The following MORF4L1 variants were observed in gnomAD, a reference collection of about 807,000 sequenced individuals.
MORF4L1 encodes the protein mortality factor 4 like 1, also known as mortality factor 4-like protein 1.
MORF4L1 carries 4 observed loss-of-function variants against 52.9 expected under a neutral mutation model. The ratio of observed to expected loss-of-function variants is 0.08; its 90% CI spans 0.04 to 0.17. The LOEUF (loss-of-function observed/expected upper bound fraction) is 0.17, where lower values mean the gene tolerates loss of function less well. Ranked by LOEUF, MORF4L1 falls within the 10% of genes least tolerant of loss-of-function variation. MORF4L1 has a pLI of 1.00. For missense variants in MORF4L1, 214 were observed against 390.4 expected, an observed-to-expected ratio of 0.55 and a Z score of 3.81; for synonymous variants, 123 against 134.8, an observed-to-expected ratio of 0.91 and a Z score of 0.61.
chr15:78,891,649 G>GATT (rs1262240985), intron 7 of MORF4L1, 77 bp downstream of exon 7: 1 of 1,181,940 alleles, frequency 8.5e-7, no homozygotes, highest in African/African-American at 1.6e-5. Context: ...TGGGAGCTTT[G>GATT]ATTATCTACA....
chr15:78,894,324 C>A, intron 10 of MORF4L1, 94 bp downstream of exon 10: 1 of 991,406 alleles, frequency 1.0e-6, no homozygotes, highest in African/African-American at 1.7e-5. Context: ...CAAAACATGA[C>A]TCCCATTTTA....
chr15:78,879,034 C>CT (rs11446420), intron 2 of MORF4L1, among the ~76,000 whole-genome samples: 6,541 of 149,832 alleles, frequency 0.044, 462 homozygotes, highest in African/African-American at 0.15. Flanking sequence ...ATTTTCACTA[C>CT]TTTTTTTTTT....
chr15:78,879,315 G>A (rs901156008), intron 2 of MORF4L1, among the ~76,000 whole-genome samples: 1 of 150,352 alleles, frequency 6.7e-6, no homozygotes. Context: ...TCCCCCTCCC[G>A]GGTTGAAGCA....
chr15:78,893,433 T>A (rs1177688228), intron 8 of MORF4L1, 106 bp from the exon 9 acceptor site: 2 of 745,972 alleles, frequency 2.7e-6, no homozygotes, highest in African/African-American at 3.5e-5. Context: ...CTTTCCTAAT[T>A]TGAAATACTG....
chr15:78,892,637 A>G (rs78962767), intron 8 of MORF4L1: 175 of 187,978 alleles, frequency 9.3e-4, no homozygotes, highest in African/African-American at 3.9e-3. Context: ...ATGGTAGGCC[A>G]TAGAAAGCAC....
At chr15:78,890,441 C>T (rs2056780188) in intron 5 of MORF4L1, among the ~76,000 whole-genome samples, 1 of 151,082 alleles carries the variant, frequency 6.6e-6, no homozygotes, top group Non-Finnish European at 1.5e-5. Context: ...TTAATATAAC[C>T]CTGGAAGAAC....
Sources: allele counts gnomAD v4.1 joint callset (sites outside exome capture counted in the v4.1 genomes callset), GRCh38; gene constraint gnomAD v4.1.1; transcripts MANE v1.5; gene names NCBI Gene and HGNC (gene_info 2026-07-23, HGNC 2026-07-21).